The following LCORL variants were observed in gnomAD, a reference collection of about 807,000 sequenced individuals.
LCORL encodes ligand-dependent nuclear receptor corepressor-like protein.
Under a neutral mutation model 141.8 loss-of-function variants are expected in LCORL, and 41 were observed. The ratio of observed to expected loss-of-function variants is 0.29; its 90% CI spans 0.23 to 0.38. The LOEUF is 0.38. Among genes scored for constraint, LCORL ranks in the 10% least tolerant of loss-of-function variants. LCORL has a pLI of 1.00. For missense variants in LCORL, 1,759 were observed against 2,035.0 expected, an observed-to-expected ratio of 0.86 and a Z score of 2.61; for synonymous variants, 618 against 694.1, an observed-to-expected ratio of 0.89 and a Z score of 1.72.
intron 2 of LCORL, among the ~76,000 whole-genome samples, chr4:17,967,737 T>C (rs1560417929): frequency 6.6e-6 from 1 of 152,226 alleles, no homozygotes; most frequent in African/African-American, 2.4e-5. Flanking sequence ...AGCATTATGA[T>C]GAATATACTC....
chr4:17,873,766 T>C (rs1481620630), exon 7 of LCORL: 7 of 1,233,950 alleles, frequency 5.7e-6, no homozygotes, highest in Non-Finnish European at 6.1e-6. Flanking sequence ...AGCTTAAAAG[T>C]ATTTCTGTGT....
At chr4:17,877,595 T>C in exon 7 of LCORL, 1 of 1,230,688 alleles carries the variant, frequency 8.1e-7, no homozygotes, top group East Asian at 3.2e-5. Flanking sequence ...GTTTGTTATT[T>C]TCTAAGGCTG....
At chr4:18,019,957 GTTT>G (rs970287447) in intron 1 of LCORL, among the ~76,000 whole-genome samples, 12 of 151,250 alleles carry the variant, frequency 7.9e-5, no homozygotes, top group African/African-American at 2.9e-4. Context: ...ATACCTAGAG[GTTT>G]TTTTTTACAC....
At chr4:17,900,901 C>A (rs984648013) in intron 5 of LCORL, among the ~76,000 whole-genome samples, 3 of 152,058 alleles carry the variant, frequency 2.0e-5, no homozygotes, top group African/African-American at 4.8e-5. Context: ...GATGAGATTT[C>A]TCCTTAGTTT....
chr4:17,883,707 C>A, intron 6 of LCORL: 1 of 1,506,630 alleles, frequency 6.6e-7, no homozygotes, highest in Non-Finnish European at 8.9e-7. Context: ...CAAACATTTT[C>A]CTAACAAGTA....
At chr4:17,843,080 T>C (rs1560237458) in exon 8 of LCORL, 9 of 386,042 alleles carry the variant, frequency 2.3e-5, no homozygotes, top group South Asian at 7.4e-5. Context: ...GGTTCTGTTA[T>C]AGTATATAAA....
chr4:17,923,688 G>A (rs1577433070), intron 4 of LCORL, among the ~76,000 whole-genome samples: 1 of 151,936 alleles, frequency 6.6e-6, no homozygotes, highest in East Asian at 1.9e-4. Flanking sequence ...CTCTGTGAGC[G>A]AGCTGGAAAT....
At position 17,884,702 on chromosome 4, in the gene LCORL, G is replaced by A; in HGVS notation, c.776+1366C>T. On this transcript the variant is annotated intron_variant, in intron 6 of 7. Transcript: ENST00000635767. The surrounding 1 kb of genome is among the most constrained non-coding windows in gnomAD (Gnocchi z 4.4). ...CAAAGCTTTTGAGAGCAAACCATCT[G>A]CAAACTCAGCACTTCTTTCCACATA... is the stretch of plus-strand genomic sequence containing the variant. 1 of 1,511,474 alleles carries A rather than the reference G, an allele frequency of 6.6e-7. No individual in the cohort carries two copies. Among genetic ancestry groups the A allele is most frequent in the Non-Finnish European group, 8.8e-7 (1 of 1,132,484 alleles). 93.6% of individuals were successfully genotyped at this position (1,511,474 alleles called of 1,614,324 possible).
chr4:17,946,186 CAT>C (rs1322707151), intron 4 of LCORL, among the ~76,000 whole-genome samples: 3 of 151,976 alleles, frequency 2.0e-5, no homozygotes, highest in Non-Finnish European at 4.4e-5. Context: ...GATATCTAAA[CAT>C]ATGGCAACTA....
At chr4:17,892,809 C>T (rs962766534) in intron 5 of LCORL, among the ~76,000 whole-genome samples, 25 of 152,080 alleles carry the variant, frequency 1.6e-4, no homozygotes, top group African/African-American at 5.8e-4. Flanking sequence ...TAAATCATGG[C>T]TTCAAAAGGT....
chr4:17,945,229 G>C (rs1738670164), intron 4 of LCORL, among the ~76,000 whole-genome samples: 1 of 151,964 alleles, frequency 6.6e-6, no homozygotes, highest in African/African-American at 2.4e-5. Flanking sequence ...TGTATTATTA[G>C]AGCATGTTTT....
intron 1 of LCORL, among the ~76,000 whole-genome samples, chr4:17,999,009 C>CATATAT (rs146713785): frequency 1.0e-5 from 1 of 99,434 alleles, no homozygotes; most frequent in East Asian, 2.7e-4. Context: ...TATATACACA[C>CATATAT]ATATATATAT....
intron 6 of LCORL, among the ~76,000 whole-genome samples, chr4:17,878,620 T>C (rs1239611270): frequency 6.6e-6 from 1 of 151,400 alleles, no homozygotes; most frequent in East Asian, 1.9e-4. Flanking sequence ...AAATAAAATG[T>C]AGGAGTACAA....
rs374240558 is a variant in LCORL, at chr4:17,848,746, C to T, written c.5603-2845G>A. Among the ~76,000 whole-genome samples, 606 of 152,344 alleles carry T rather than the reference C, an allele frequency of 4.0e-3. 14 individuals carry two copies. In the East Asian group the frequency reaches 0.059, roughly 15 times the overall value. On this transcript the variant is annotated intron_variant, in intron 7 of 7. Transcript: ENST00000635767. ...GCGAGGCATTGCCTCACTCGGGAAG[C>T]GCAAGGGGTCAGGGAGTTCCCTTTC... is the stretch of plus-strand genomic sequence containing the variant.
At chr4:17,997,965 G>A (rs1341863040) in intron 1 of LCORL, among the ~76,000 whole-genome samples, 1 of 152,162 alleles carries the variant, frequency 6.6e-6, no homozygotes, top group Non-Finnish European at 1.5e-5. Flanking sequence ...TCTGATAAAT[G>A]CATCTTTGAG....
At chr4:17,842,691 G>C (rs1722531902) in exon 8 of LCORL, 1 of 268,704 alleles carries the variant, frequency 3.7e-6, no homozygotes, top group Non-Finnish European at 7.2e-6. Flanking sequence ...GATAATATTT[G>C]GGTTCTCTAC....
chr4:17,905,463 A>C (rs1401399322), intron 5 of LCORL, among the ~76,000 whole-genome samples: 1 of 152,046 alleles, frequency 6.6e-6, no homozygotes, highest in African/African-American at 2.4e-5. Flanking sequence ...TTTTGCATCT[A>C]GGTTTGTAAG....
Position 17,874,577 on chromosome 4 carries a change from AT to A in LCORL, c.4412del (p.Asn1471MetfsTer6). ...AAGGGCTTGCTACTTTGAAATGATC[AT>A]TTTCAATGTGTTCTCTTTTTTTATG... On this transcript the variant is annotated frameshift_variant, in exon 7 of 8. Transcript: ENST00000635767. LOFTEE classifies it high-confidence loss of function. The A allele has an allele frequency of 8.1e-7, 1 of 1,233,690 alleles. No individual in the cohort carries two copies. The highest frequency in any genetic ancestry group is 1.0e-6 in the Non-Finnish European group (1 of 987,756). 76.4% of individuals were successfully genotyped at this position (1,233,690 alleles called of 1,614,324 possible). A position where few individuals can be genotyped will look rare whatever the true frequency, so the allele number is the denominator to read the frequency against.
At chr4:17,964,344 C>A (rs1364037499) in intron 2 of LCORL, among the ~76,000 whole-genome samples, 1 of 152,066 alleles carries the variant, frequency 6.6e-6, no homozygotes, top group Non-Finnish European at 1.5e-5. Context: ...AGGATCACAT[C>A]ATCTAACTTA....
Sources: allele counts gnomAD v4.1 joint callset (sites outside exome capture counted in the v4.1 genomes callset), GRCh38; gene constraint gnomAD v4.1.1; non-coding constraint Gnocchi (gnomAD v3.1); transcripts MANE v1.5; gene names NCBI Gene and HGNC (gene_info 2026-07-23, HGNC 2026-07-21).